The following CADM2 variants were observed in gnomAD, a reference collection of about 807,000 sequenced individuals.
CADM2 encodes the protein cell adhesion molecule 2.
Under a neutral mutation model 49.8 loss-of-function variants are expected in CADM2, and 12 were observed. The ratio of observed to expected loss-of-function variants is 0.24; its 90% CI spans 0.15 to 0.39. The LOEUF is 0.39. Ranked by LOEUF, CADM2 falls within the 10% of genes least tolerant of loss-of-function variation. CADM2 has a pLI of 1.00. For synonymous variants in CADM2, 214 were observed against 175.4 expected (o/e 1.22, Z -1.74); for missense variants, 378 against 492.3 (o/e 0.77, Z 2.20).
chr3:85,672,679 C>T (rs2065776741), intron 1 of CADM2, among the ~76,000 whole-genome samples: 1 of 152,016 alleles, frequency 6.6e-6, no homozygotes. Flanking sequence ...ATTCAGTTTG[C>T]CACCATTCAT....
At chr3:85,628,140 A>G (rs964386790) in intron 1 of CADM2, among the ~76,000 whole-genome samples, 25 of 152,036 alleles carry the variant, frequency 1.6e-4, no homozygotes, top group African/African-American at 5.8e-4. Context: ...ATCGTAATGA[A>G]TGAAGAAGTG....
At chr3:85,890,366 C>T (rs957354909) in intron 5 of CADM2, among the ~76,000 whole-genome samples, 3 of 152,056 alleles carry the variant, frequency 2.0e-5, no homozygotes, top group East Asian at 3.9e-4. Flanking sequence ...ATAAGATAAC[C>T]GTGTGAACAG....
chr3:85,330,113 A>T (rs1404376215), intron 1 of CADM2, among the ~76,000 whole-genome samples: 1 of 152,178 alleles, frequency 6.6e-6, no homozygotes, highest in African/African-American at 2.4e-5. Context: ...ACATAAAAGA[A>T]ATCCTACATT....
At chr3:86,024,458 T>C (rs1733614999) in intron 8 of CADM2, among the ~76,000 whole-genome samples, 1 of 152,224 alleles carries the variant, frequency 6.6e-6, no homozygotes, top group Non-Finnish European at 1.5e-5. Context: ...AGAGATACTT[T>C]ATGGAGTATT....
At chr3:85,097,161 C>A (rs576098601) in intron 1 of CADM2, among the ~76,000 whole-genome samples, 1 of 152,246 alleles carries the variant, frequency 6.6e-6, no homozygotes, top group Non-Finnish European at 1.5e-5. Flanking sequence ...CCCCACACCC[C>A]ACAACAGTCT....
chr3:85,396,267 G>A (rs1053882557), intron 1 of CADM2, among the ~76,000 whole-genome samples: 3 of 151,016 alleles, frequency 2.0e-5, no homozygotes, highest in African/African-American at 7.3e-5. Flanking sequence ...TTTTTTTCTT[G>A]GCCAATTAGA....
chr3:86,014,739 A>T (rs1182427667), intron 8 of CADM2: 23 of 1,500,048 alleles, frequency 1.5e-5, no homozygotes, highest in Non-Finnish European at 1.9e-5. Flanking sequence ...CTTACCCAAT[A>T]CTGACACGCT....
At chr3:85,020,293 A>G (rs1361431114) in intron 1 of CADM2, among the ~76,000 whole-genome samples, 1 of 152,186 alleles carries the variant, frequency 6.6e-6, no homozygotes, top group Non-Finnish European at 1.5e-5. Flanking sequence ...ATAGTTAAGT[A>G]TTTAACAGAC....
At chr3:85,789,912 G>A (rs1244337938) in intron 2 of CADM2, among the ~76,000 whole-genome samples, 2 of 152,194 alleles carry the variant, frequency 1.3e-5, no homozygotes. Context: ...ACACATACAA[G>A]TCAAAAAAGT....
chr3:85,593,007 TG>T (rs1300375011), intron 1 of CADM2, among the ~76,000 whole-genome samples: 2 of 151,930 alleles, frequency 1.3e-5, no homozygotes, highest in Non-Finnish European at 2.9e-5. Context: ...CCAAAGAGCC[TG>T]TATTCTGTCT....
At chr3:85,638,751 A>G (rs1454457901) in intron 1 of CADM2, among the ~76,000 whole-genome samples, 1 of 152,088 alleles carries the variant, frequency 6.6e-6, no homozygotes, top group Non-Finnish European at 1.5e-5. Flanking sequence ...CTTTATCTCT[A>G]AAGGTTACTA....
intron 2 of CADM2, among the ~76,000 whole-genome samples, chr3:85,768,713 C>CACACATATAGTATATATACACATATAT (rs2069812238): frequency 1.4e-5 from 2 of 144,270 alleles, no homozygotes; most frequent in South Asian, 2.1e-4. Context: ...TACACATATA[C>CACACATATAGTATATATACACATATAT]ACACATATAG....
chr3:84,992,984 G>A (rs1384700567), intron 1 of CADM2, among the ~76,000 whole-genome samples: 1 of 152,038 alleles, frequency 6.6e-6, no homozygotes, highest in Non-Finnish European at 1.5e-5. Context: ...TGTCAACCCA[G>A]GATGTATGGT....
At chr3:85,815,724 T>A (rs2073165100) in intron 3 of CADM2, among the ~76,000 whole-genome samples, 1 of 152,066 alleles carries the variant, frequency 6.6e-6, no homozygotes, top group Non-Finnish European at 1.5e-5. Context: ...CTATTCAACA[T>A]AGTACTGGAA....
chr3:85,378,069 A>T (rs1443821313), intron 1 of CADM2, among the ~76,000 whole-genome samples: 2 of 152,066 alleles, frequency 1.3e-5, no homozygotes, highest in Non-Finnish European at 2.9e-5. Context: ...TATATTAGAA[A>T]TATTTTCTAT....
chr3:85,107,593 CTT>C (rs60176589), intron 1 of CADM2, among the ~76,000 whole-genome samples: 110 of 141,688 alleles, frequency 7.8e-4, no homozygotes, highest in South Asian at 3.0e-3. Context: ...TCTTTTCTTT[CTT>C]TCTTTCTCTT....
chr3:85,149,754 C>T (rs921390980), intron 1 of CADM2, among the ~76,000 whole-genome samples: 14 of 152,060 alleles, frequency 9.2e-5, no homozygotes, highest in Admixed American at 6.6e-5. Flanking sequence ...TAAATTGTAG[C>T]GTTATAGACA....
intron 1 of CADM2, among the ~76,000 whole-genome samples, chr3:85,102,334 A>G (rs1171787102): frequency 6.6e-6 from 1 of 152,190 alleles, no homozygotes; most frequent in Non-Finnish European, 1.5e-5. Context: ...TGCTGGGGAG[A>G]CAAAAATAAT....
At chr3:85,803,266 G>A (rs1289978457) in intron 3 of CADM2, among the ~76,000 whole-genome samples, 1 of 152,112 alleles carries the variant, frequency 6.6e-6, no homozygotes, top group East Asian at 1.9e-4. Context: ...TTTATTGAGA[G>A]TCCCTTTGTA....
Sources: gnomAD v4.1 joint callset for allele counts (sites outside exome capture counted in the v4.1 genomes callset) on GRCh38, gnomAD v4.1.1 for gene constraint, MANE v1.5 for transcripts, NCBI Gene and HGNC (gene_info 2026-07-23, HGNC 2026-07-21) for gene names.